The following MED24 variants were observed in gnomAD, a reference collection of about 807,000 sequenced individuals.
The protein encoded by MED24 is mediator complex subunit 24, also known as mediator of RNA polymerase II transcription subunit 24.
In MED24, 74 loss-of-function variants were observed where a neutral mutation model predicts 118.8. That is an observed-to-expected ratio of 0.62 (90% CI 0.52 to 0.76). MED24 has a LOEUF of 0.76. MED24 is among the 30% of genes least tolerant of loss of function. MED24 has a pLI of 0.00. For synonymous variants in MED24, 521 were observed against 523.9 expected (o/e 0.99, Z 0.08); for missense variants, 1,041 against 1,278.9 (o/e 0.81, Z 2.84).
Position 40,053,624 on chromosome 17 carries a change from G to C in MED24, c.-26C>G. The C allele has an allele frequency of 6.2e-7, 1 of 1,613,978 alleles. No individual in the cohort carries two copies. ...TATTTCACTCTGAGCAGGTGGCAGC[G>C]GTGGCGGCCAGCTTTGAGGTGAAAG... On this transcript the variant is annotated 5_prime_UTR_variant, in exon 2 of 26. Coordinates refer to ENST00000394128, the MANE Select transcript of MED24 (RefSeq NM_014815.4).
At chr17:40,052,753 T>C (rs1051860897) in intron 3 of MED24, among the ~76,000 whole-genome samples, 9 of 151,870 alleles carry the variant, frequency 5.9e-5, no homozygotes, top group Admixed American at 5.3e-4. Context: ...AGGCCTGTGC[T>C]ACCTGCTACC....
intron 4 of MED24, 59 bp from the exon 5 acceptor site, chr17:40,035,854 T>A: frequency 2.0e-6 from 3 of 1,516,708 alleles, no homozygotes; most frequent in East Asian, 2.3e-5. Flanking sequence ...AGGTCTCACA[T>A]GAGGCAGACG....
At chr17:40,047,649 G>A (rs892775923) in intron 3 of MED24, among the ~76,000 whole-genome samples, 6 of 150,472 alleles carry the variant, frequency 4.0e-5, no homozygotes, top group Admixed American at 6.6e-5. Flanking sequence ...GCAACAGAGC[G>A]AGACTCCATC....
At chr17:40,023,444 G>A in intron 19 of MED24, 49 bp from the exon 20 acceptor site, 2 of 1,509,112 alleles carry the variant, frequency 1.3e-6, no homozygotes, top group Non-Finnish European at 8.9e-7. Flanking sequence ...CTGTAGGGTG[G>A]GGAGGGAGAG....
At position 40,037,476 on chromosome 17, in the gene MED24, C is replaced by T. The variant is rs142501430; in HGVS notation, c.214-1322G>A. ...GGACAAGGATGCTTTTACTCAGTGA[C>T]CACCACAAACTTGATGTTTGTAGAA... On this transcript the variant is annotated intron_variant, in intron 3 of 25. Transcript: ENST00000394128. Among the ~76,000 whole-genome samples the T allele has an allele frequency of 7.8e-4, 118 of 152,210 alleles. 4 individuals are homozygous for T. The East Asian group carries it at 0.022, about 29-fold the overall frequency.
intron 15 of MED24, 27 bp from the exon 16 acceptor site, chr17:40,027,492 C>T (rs770072544): frequency 1.2e-5 from 19 of 1,594,152 alleles, no homozygotes; most frequent in Non-Finnish European, 1.5e-5. Context: ...AGGCTGAGCT[C>T]CCAGACGAGG....
chr17:40,036,705 A>AT (rs1479981787), intron 3 of MED24, among the ~76,000 whole-genome samples: 1 of 151,176 alleles, frequency 6.6e-6, no homozygotes, highest in Non-Finnish European at 1.5e-5. Context: ...AAAAAAAAAA[A>AT]AGCGCCTGCT....
At chr17:40,041,039 C>G (rs753886114) in intron 3 of MED24, among the ~76,000 whole-genome samples, 1 of 152,134 alleles carries the variant, frequency 6.6e-6, no homozygotes, top group Non-Finnish European at 1.5e-5. Context: ...TGAGCCACCA[C>G]GCCCGGACAA....
intron 3 of MED24, among the ~76,000 whole-genome samples, chr17:40,038,067 C>T (rs561068074): frequency 1.7e-4 from 26 of 152,212 alleles, no homozygotes; most frequent in African/African-American, 2.6e-4. Flanking sequence ...AGAAGACTGA[C>T]GATAAAACAA....
In MED24 at chr17:40,020,779, C is replaced by T. The variant is rs182748771; in HGVS notation, c.2624-426G>A. On this transcript the variant is annotated intron_variant, in intron 23 of 25. Transcript: ENST00000394128. Reference sequence around the variant, plus strand: ...CCTGAGCAACAGAGCAAAACCGTGTCTCAGAAAAACAGGCTGGGCGTGGTG... The same window carrying T: ...CCTGAGCAACAGAGCAAAACCGTGTTTCAGAAAAACAGGCTGGGCGTGGTG... Among the ~76,000 whole-genome samples, 10 of 151,572 alleles carry T rather than the reference C, an allele frequency of 6.6e-5. No individual in the cohort carries two copies. In the East Asian group the frequency reaches 1.9e-3, roughly 29 times the overall value.
At chr17:40,049,530 A>G (rs894512256) in intron 3 of MED24, among the ~76,000 whole-genome samples, 5 of 151,914 alleles carry the variant, frequency 3.3e-5, no homozygotes, top group African/African-American at 1.2e-4. Context: ...TTTTAATTTT[A>G]TTTATTTTAC....
In MED24 at chr17:40,035,799, T is replaced by C. The variant is rs749669893; in HGVS notation, c.253-4A>G. ...GGTCCCGAGAAAAGTCATCAAACTG[T>C]GGAAAGGACAGTGGAGATGCTACGG... On this transcript the variant is annotated splice_region_variant and splice_polypyrimidine_tract_variant and intron_variant, in intron 4 of 25. Transcript: ENST00000394128. The C allele has an allele frequency of 6.8e-6, 11 of 1,613,376 alleles. No homozygotes were observed. Among genetic ancestry groups the C allele is most frequent in the Non-Finnish European group, 9.3e-6 (11 of 1,179,448 alleles).
In MED24 at chr17:40,022,674, G is replaced by A; in HGVS notation, c.2403C>T (p.Leu801=). The change falls in exon 21 of 26, where the codon CTC becomes CTT. Residue 801 remains leucine (L), a synonymous_variant. Transcript: ENST00000394128. The part of the protein sequence containing the change: ...LLTDSSKWHS[L]MDPPGTALAK... ...CAAGAGCAGTGCCCGGGGGGTCCAT[G>A]AGGCTGTGCCACTTGGAGGAGTCAG... The A allele has an allele frequency of 6.2e-7, 1 of 1,613,776 alleles. No homozygotes were observed. The highest frequency in any genetic ancestry group is 8.5e-7 in the Non-Finnish European group (1 of 1,179,984).
intron 19 of MED24, among the ~76,000 whole-genome samples, chr17:40,024,859 C>T (rs1160454912): frequency 1.3e-5 from 2 of 152,104 alleles, no homozygotes; most frequent in Admixed American, 6.5e-5. Context: ...TCTCAGCCTC[C>T]CAAGTAGCTG....
At position 40,026,978 on chromosome 17, in the gene MED24, C is replaced by T. The variant is rs1352189092; in HGVS notation, c.1587G>A (p.Met529Ile). ...TGCCCTCCTCAGGCATGCAGGTCTG[C>T]ATCCAGGTCTCGAAGAAGGGCACCT... Reference protein sequence around the residue: ...GAEVPFFETWMQTCMPEEGKI... With the variant: ...GAEVPFFETWIQTCMPEEGKI... The change falls in exon 17 of 26, where the codon ATG becomes ATA. Residue 529 changes from methionine to isoleucine, a missense_variant. Met to Ile is a conservative substitution (Grantham distance 10). Around this residue, in one of 3 missense-constraint regions of MED24, gnomAD observed 587 missense variants for 694.4 expected, o/e 0.85. Coordinates refer to ENST00000394128, the MANE Select transcript of MED24 (RefSeq NM_014815.4). 4 of 1,614,190 alleles carry T rather than the reference C, an allele frequency of 2.5e-6. No homozygotes were observed. Among genetic ancestry groups the T allele is most frequent in the Non-Finnish European group, 3.4e-6 (4 of 1,180,036 alleles).
At chr17:40,044,667 G>A (rs916773535) in intron 3 of MED24, among the ~76,000 whole-genome samples, 3 of 151,988 alleles carry the variant, frequency 2.0e-5, no homozygotes, top group Non-Finnish European at 4.4e-5. Context: ...GGATCACGAG[G>A]TCAGGAGATC....
rs533311789 is a variant in MED24 at position 40,024,116 on chromosome 17, G to C, written c.1986-721C>G. Among the ~76,000 whole-genome samples the C allele has an allele frequency of 3.9e-5, 6 of 152,106 alleles. No homozygotes were observed. The South Asian group carries it at 1.0e-3, about 26-fold the overall frequency. On this transcript the variant is annotated intron_variant, in intron 19 of 25. Transcript: ENST00000394128. ...GCAAAAGCTCCCTACTTGGTAGGGC[G>C]GGGGGGAAGGTGGTGGAGAAATGAG...
intron 12 of MED24, 121 bp from the exon 13 acceptor site, chr17:40,029,980 C>T (rs1477695496): frequency 3.8e-6 from 3 of 799,742 alleles, no homozygotes; most frequent in East Asian, 2.6e-5. Context: ...TAAGAACCTC[C>T]GAGGTTGGGG....
At chr17:40,027,286 T>C in intron 16 of MED24, 97 bp downstream of exon 16, 2 of 1,383,634 alleles carry the variant, frequency 1.4e-6, no homozygotes, top group Non-Finnish European at 2.0e-6. Flanking sequence ...CAGAACTAAC[T>C]GGCTGAGAGG....
Sources: allele counts gnomAD v4.1 joint callset (sites outside exome capture counted in the v4.1 genomes callset), GRCh38; gene constraint gnomAD v4.1.1; regional missense constraint gnomAD v4.1.1; transcripts MANE v1.5; gene names NCBI Gene and HGNC (gene_info 2026-07-23, HGNC 2026-07-21).